Variants in GNAQ observed in about 807,000 individuals in gnomAD.
The protein encoded by GNAQ is G protein subunit alpha q.
In GNAQ, 8 loss-of-function variants were observed where a neutral mutation model predicts 43.9. That is an observed-to-expected ratio of 0.18 (90% CI 0.11 to 0.33). The LOEUF (loss-of-function observed/expected upper bound fraction) is 0.33. Among genes scored for constraint, GNAQ ranks in the 10% least tolerant of loss-of-function variants. GNAQ has a pLI of 1.00. For synonymous variants in GNAQ, 155 were observed against 170.7 expected (o/e 0.91, Z 0.71); for missense variants, 158 against 450.8 (o/e 0.35, Z 5.88).
chr9:77,877,103 C>G (rs576622962), intron 2 of GNAQ, among the ~76,000 whole-genome samples: 1 of 152,142 alleles, frequency 6.6e-6, no homozygotes, highest in South Asian at 2.1e-4. Context: ...GGGATGTTCC[C>G]AAGAATGATT....
At chr9:77,796,078 C>T (rs896187338) in intron 4 of GNAQ, among the ~76,000 whole-genome samples, 14 of 152,128 alleles carry the variant, frequency 9.2e-5, no homozygotes, top group African/African-American at 1.7e-4. Context: ...AGACTTAAAA[C>T]GTAAGTAATA....
Position 77,748,102 on chromosome 9 carries a change from G to A in GNAQ, c.736-19435C>T, listed in dbSNP as rs2196499. On this transcript the variant is annotated intron_variant, in intron 5 of 6. Transcript: ENST00000286548. ...AGTCCTTTCACCACTCTGGGGTCCA[G>A]TTTCCAAATCCAGAGTCTCCTCTAT... Among the ~76,000 whole-genome samples, 754 of 152,228 alleles carry A rather than the reference G, an allele frequency of 5.0e-3. 6 individuals carry two copies. The highest frequency in any genetic ancestry group is 0.017 in the African/African-American group (719 of 41,524).
At chr9:77,992,968 AGATATTAG>A (rs1245066132) in intron 1 of GNAQ, among the ~76,000 whole-genome samples, 1 of 152,178 alleles carries the variant, frequency 6.6e-6, no homozygotes, top group Non-Finnish European at 1.5e-5. Flanking sequence ...GGAAAGATGC[AGATATTAG>A]GAGGAATTAA....
chr9:77,804,737 GCCT>G (rs1490465456), intron 3 of GNAQ, among the ~76,000 whole-genome samples: 1 of 152,134 alleles, frequency 6.6e-6, no homozygotes, highest in Non-Finnish European at 1.5e-5. Context: ...CTATGTAAGG[GCCT>G]CCTATAGAGA....
chr9:77,815,356 T>G (rs964232116), intron 3 of GNAQ, among the ~76,000 whole-genome samples: 1 of 152,126 alleles, frequency 6.6e-6, no homozygotes, highest in African/African-American at 2.4e-5. Flanking sequence ...GTTGGTGAAA[T>G]CAGATTCCTA....
At chr9:77,962,897 A>AG (rs1165374975) in intron 1 of GNAQ, among the ~76,000 whole-genome samples, 14 of 151,372 alleles carry the variant, frequency 9.2e-5, no homozygotes, top group African/African-American at 3.2e-4. Flanking sequence ...AGTCTCAAAA[A>AG]AAAAAAAAAA....
At chr9:78,011,089 G>T (rs1823767298) in intron 1 of GNAQ, among the ~76,000 whole-genome samples, 1 of 152,102 alleles carries the variant, frequency 6.6e-6, no homozygotes, top group African/African-American at 2.4e-5. Context: ...CCCAAAAACA[G>T]CAAGGCTCCA....
At chr9:77,837,411 G>A (rs773096079) in intron 2 of GNAQ, among the ~76,000 whole-genome samples, 2 of 151,990 alleles carry the variant, frequency 1.3e-5, no homozygotes, top group East Asian at 1.9e-4. Flanking sequence ...AAAATTAGCC[G>A]GGTGAGGTGG....
intron 2 of GNAQ, among the ~76,000 whole-genome samples, chr9:77,867,412 G>C (rs2118011515): frequency 6.6e-6 from 1 of 152,200 alleles, no homozygotes; most frequent in East Asian, 1.9e-4. Flanking sequence ...AAATCCTCTT[G>C]GATCAAGGCA....
intron 3 of GNAQ, among the ~76,000 whole-genome samples, 175 bp from the exon 4 acceptor site, chr9:77,797,823 G>A (rs567856660): frequency 6.6e-6 from 1 of 152,102 alleles, no homozygotes; most frequent in African/African-American, 2.4e-5. Context: ...TTCCATTACT[G>A]GAAGGTTATC....
intron 2 of GNAQ, among the ~76,000 whole-genome samples, chr9:77,893,370 C>T (rs1044077574): frequency 6.6e-6 from 1 of 152,188 alleles, no homozygotes; most frequent in African/African-American, 2.4e-5. Flanking sequence ...TGACAGTTTA[C>T]AGATGCCATG....
At chr9:77,797,409 T>A (rs1826675206) in intron 4 of GNAQ, 111 bp downstream of exon 4, 1 of 793,874 alleles carries the variant, frequency 1.3e-6, no homozygotes, top group East Asian at 2.5e-5. Context: ...ATAATTGGTA[T>A]AAAGCCTATC....
At chr9:77,867,734 A>G (rs1297276537) in intron 2 of GNAQ, among the ~76,000 whole-genome samples, 4 of 152,092 alleles carry the variant, frequency 2.6e-5, no homozygotes, top group African/African-American at 7.2e-5. Flanking sequence ...AACAATCCAG[A>G]CTCTCAATTG....
intron 5 of GNAQ, among the ~76,000 whole-genome samples, 180 bp from the exon 6 acceptor site, chr9:77,728,847 A>G (rs549966965): frequency 4.1e-4 from 62 of 152,292 alleles, no homozygotes; most frequent in Admixed American, 3.5e-3. Context: ...GGCTGTTTTC[A>G]TTATGCAAAC....
intron 5 of GNAQ, among the ~76,000 whole-genome samples, chr9:77,752,779 T>G (rs866367844): frequency 6.6e-6 from 1 of 152,298 alleles, no homozygotes. Context: ...GACTTTAAAT[T>G]TGGAGCAATT....
At chr9:77,956,605 T>A (rs1247717788) in intron 1 of GNAQ, among the ~76,000 whole-genome samples, 1 of 152,154 alleles carries the variant, frequency 6.6e-6, no homozygotes, top group Non-Finnish European at 1.5e-5. Context: ...CATTCCAAAT[T>A]CTAATATATA....
intron 2 of GNAQ, among the ~76,000 whole-genome samples, chr9:77,903,939 A>G (rs1054250405): frequency 1.5e-5 from 2 of 130,266 alleles, no homozygotes; most frequent in African/African-American, 5.2e-5. Flanking sequence ...CCCTAAAACA[A>G]AACACACAAA....
chr9:77,939,547 A>G (rs939840389), intron 1 of GNAQ, among the ~76,000 whole-genome samples: 3 of 152,222 alleles, frequency 2.0e-5, no homozygotes, highest in Non-Finnish European at 2.9e-5. Context: ...AAAATACTAA[A>G]TAAGTTCCCC....
chr9:77,782,926 G>A lies in GNAQ; in HGVS notation c.735+11537C>T, dbSNP rs147634550. Among the ~76,000 whole-genome samples the A allele has an allele frequency of 6.1e-3, 931 of 152,294 alleles. 9 individuals carry two copies. Among genetic ancestry groups the A allele is most frequent in the Middle Eastern group, 0.031 (9 of 294 alleles). ...ACAAACTGTATGATTCTAACTACTG[G>A]CATTCTAGAAAAGGGAAAACTATGA... On this transcript the variant is annotated intron_variant, in intron 5 of 6. Transcript: ENST00000286548.
Sources: gnomAD v4.1 joint callset for allele counts (sites outside exome capture counted in the v4.1 genomes callset) on GRCh38, gnomAD v4.1.1 for gene constraint, MANE v1.5 for transcripts, NCBI Gene and HGNC (gene_info 2026-07-23, HGNC 2026-07-21) for gene names.